Variants in ESR1 observed in about 807,000 individuals in gnomAD.
ESR1 encodes the protein estrogen receptor 1, also known as estrogen receptor.
Under a neutral mutation model 52.7 loss-of-function variants are expected in ESR1, and 12 were observed. That is an observed-to-expected ratio of 0.23 (90% CI 0.15 to 0.37). The LOEUF is 0.37. Ranked by LOEUF, ESR1 falls within the 10% of genes least tolerant of loss-of-function variation. The probability of loss-of-function intolerance (pLI) is 1.00; values close to 1 mark genes in which losing one functional copy is unlikely to be tolerated. For synonymous variants in ESR1, 305 were observed against 316.8 expected (o/e 0.96, Z 0.39); for missense variants, 584 against 779.7 (o/e 0.75, Z 2.99).
At chr6:152,120,556 G>C (rs2051295201) in intron 6 of ESR1, among the ~76,000 whole-genome samples, 1 of 152,208 alleles carries the variant, frequency 6.6e-6, no homozygotes, top group South Asian at 2.1e-4. Flanking sequence ...TAAATACAGT[G>C]TGAAAGTGAT....
intron 3 of ESR1, among the ~76,000 whole-genome samples, chr6:151,903,388 AC>A (rs1796969548): frequency 6.6e-6 from 1 of 152,066 alleles, no homozygotes; most frequent in Non-Finnish European, 1.5e-5. Context: ...GTGATTTGCA[AC>A]TGTGAGAGAG....
intron 5 of ESR1, among the ~76,000 whole-genome samples, chr6:152,057,022 C>T (rs1258864230): frequency 6.6e-6 from 1 of 152,110 alleles, no homozygotes; most frequent in African/African-American, 2.4e-5. Flanking sequence ...TGAAATTGAG[C>T]TAAATGCTCT....
chr6:151,883,461 G>A (rs769799556), intron 3 of ESR1, among the ~76,000 whole-genome samples: 18 of 151,868 alleles, frequency 1.2e-4, no homozygotes, highest in Admixed American at 3.3e-4. Context: ...GTGGCTAGCC[G>A]TCTTCTGCCT....
chr6:152,071,776 CGTAA>C (rs1266246857), intron 6 of ESR1, among the ~76,000 whole-genome samples: 1 of 152,136 alleles, frequency 6.6e-6, no homozygotes, highest in African/African-American at 2.4e-5. Flanking sequence ...CTGTTAAACA[CGTAA>C]GTGATTTCTC....
At chr6:151,990,252 G>T (rs1415077859) in intron 4 of ESR1, among the ~76,000 whole-genome samples, 2 of 152,038 alleles carry the variant, frequency 1.3e-5, no homozygotes, top group Admixed American at 1.3e-4. Context: ...GAGTGTGTGT[G>T]TGTGTGTGCA....
At chr6:151,669,186 GA>G (rs1777952573) in intron 1 of ESR1, among the ~76,000 whole-genome samples, 1 of 121,994 alleles carries the variant, frequency 8.2e-6, no homozygotes, top group Admixed American at 9.2e-5. Context: ...GAGAGAGAGA[GA>G]GATGGGAATC....
intron 5 of ESR1, among the ~76,000 whole-genome samples, chr6:152,032,138 T>C (rs926749868): frequency 3.3e-5 from 5 of 152,122 alleles, no homozygotes; most frequent in African/African-American, 1.2e-4. Flanking sequence ...ATGGGACCTA[T>C]CTCAAAATAA....
chr6:151,894,186 T>C (rs1281741952), intron 3 of ESR1, among the ~76,000 whole-genome samples: 1 of 152,182 alleles, frequency 6.6e-6, no homozygotes, highest in Non-Finnish European at 1.5e-5. Context: ...GTTGGCCACT[T>C]TGTATCTTCT....
intron 5 of ESR1, among the ~76,000 whole-genome samples, chr6:152,024,878 T>C (rs563668723): frequency 1.4e-3 from 218 of 151,002 alleles, no homozygotes; most frequent in African/African-American, 5.1e-3. Context: ...TATATAAATA[T>C]ACTAGAAAGT....
At chr6:151,821,892 A>G (rs905650379) in intron 1 of ESR1, among the ~76,000 whole-genome samples, 1 of 152,212 alleles carries the variant, frequency 6.6e-6, no homozygotes, top group Non-Finnish European at 1.5e-5. Context: ...AAATGAAATG[A>G]AAGTTTAATA....
At chr6:152,029,193 A>C (rs547720931) in intron 5 of ESR1, among the ~76,000 whole-genome samples, 1 of 152,338 alleles carries the variant, frequency 6.6e-6, no homozygotes, top group East Asian at 1.9e-4. Flanking sequence ...GATGGGGAAA[A>C]AACAGAGTAG....
At chr6:151,765,607 T>C in intron 2 of ESR1, among the ~76,000 whole-genome samples, 1 of 152,214 alleles carries the variant, frequency 6.6e-6, no homozygotes, top group East Asian at 1.9e-4. Flanking sequence ...TTTAAAGCAT[T>C]AGTTCCATGT....
intron 1 of ESR1, among the ~76,000 whole-genome samples, chr6:151,672,464 G>A (rs1166105684): frequency 3.3e-5 from 5 of 152,020 alleles, no homozygotes; most frequent in African/African-American, 1.2e-4. Context: ...AGCCTCCTAG[G>A]TAGCTGGGAT....
chr6:152,054,939 C>A (rs912611524), intron 5 of ESR1, among the ~76,000 whole-genome samples: 1 of 152,200 alleles, frequency 6.6e-6, no homozygotes, highest in Non-Finnish European at 1.5e-5. Flanking sequence ...TTTCTTATAG[C>A]CCTTTGGTCA....
intron 2 of ESR1, among the ~76,000 whole-genome samples, chr6:151,870,129 G>T (rs904995575): frequency 2.6e-5 from 4 of 152,068 alleles, no homozygotes; most frequent in African/African-American, 7.2e-5. Flanking sequence ...ACATAATACT[G>T]CAGTTGTTCT....
exon 7 of ESR1, chr6:152,128,570 A>G (rs1585546296): frequency 1.3e-5 from 2 of 152,378 alleles, no homozygotes; most frequent in East Asian, 3.9e-4. Context: ...ACTTTAAACA[A>G]CAACAAAGAA....
upstream of ESR1, among the ~76,000 whole-genome samples, chr6:151,686,486 C>A (rs556850524): frequency 4.5e-4 from 68 of 152,260 alleles, no homozygotes; most frequent in African/African-American, 1.5e-3. Flanking sequence ...CAGATCGAGA[C>A]CATCCCGGCT....
chr6:151,789,217 T>C (rs897106639), intron 2 of ESR1, among the ~76,000 whole-genome samples: 2 of 152,140 alleles, frequency 1.3e-5, no homozygotes, highest in African/African-American at 2.4e-5. Context: ...TTTTGGAAAA[T>C]AGCCAAGGAA....
intron 2 of ESR1, among the ~76,000 whole-genome samples, chr6:151,760,621 C>G (rs1784594632): frequency 6.6e-6 from 1 of 152,158 alleles, no homozygotes; most frequent in South Asian, 2.1e-4. Context: ...TATTTGCGCT[C>G]CCCAGCCTGC....
Sources: allele counts gnomAD v4.1 joint callset (sites outside exome capture counted in the v4.1 genomes callset), GRCh38; gene constraint gnomAD v4.1.1; transcripts MANE v1.5; gene names NCBI Gene and HGNC (gene_info 2026-07-23, HGNC 2026-07-21).